LDLRAD3: variants seen among roughly 807,000 people sequenced by gnomAD.
LDLRAD3 encodes low-density lipoprotein receptor class A domain-containing protein 3.
Under a neutral mutation model 29.4 loss-of-function variants are expected in LDLRAD3, and 20 were observed. That is an observed-to-expected ratio of 0.68 (90% CI 0.48 to 0.99). The LOEUF (loss-of-function observed/expected upper bound fraction) is 0.99. Ranked by LOEUF, LDLRAD3 falls within the 50% of genes least tolerant of loss-of-function variation. LDLRAD3 has a pLI of 0.00. For synonymous variants in LDLRAD3, 157 were observed against 192.7 expected, an observed-to-expected ratio of 0.81 and a Z score of 1.53; for missense variants, 420 against 454.3, an observed-to-expected ratio of 0.92 and a Z score of 0.69.
rs1453120892 is a variant in LDLRAD3, at chr11:36,076,638, G to A, written c.194-5015G>A. On this transcript the variant is annotated intron_variant, in intron 2 of 5. Coordinates refer to ENST00000315571, the MANE Select transcript of LDLRAD3 (RefSeq NM_174902.4). The stretch of plus-strand genomic sequence containing the variant: ...CCTGACCTTGTGATCCACCCACCTC[G>A]GCCTCCCAAAGTGCTGGGATTACAG... Among the ~76,000 whole-genome samples the A allele has an allele frequency of 3.9e-5, 6 of 152,018 alleles. No individual in the cohort carries two copies. In the East Asian group the frequency reaches 7.7e-4, roughly 20 times the overall value.
intron 4 of LDLRAD3, among the ~76,000 whole-genome samples, chr11:36,108,367 A>G (rs1404071725): frequency 6.8e-6 from 1 of 147,348 alleles, no homozygotes; most frequent in Non-Finnish European, 1.5e-5. Context: ...CCAGTTTCAG[A>G]ATGTTAAAAT....
chr11:36,133,669 G>A (rs1328155565), intron 4 of LDLRAD3, among the ~76,000 whole-genome samples: 1 of 151,316 alleles, frequency 6.6e-6, no homozygotes, highest in Non-Finnish European at 1.5e-5. Context: ...GAGTAGCTGG[G>A]ACCACAGGCG....
At chr11:36,189,636 T>A (rs575619067) in intron 4 of LDLRAD3, among the ~76,000 whole-genome samples, 1 of 152,256 alleles carries the variant, frequency 6.6e-6, no homozygotes, top group South Asian at 2.1e-4. Flanking sequence ...CATGCAGGTT[T>A]GTTACATATG....
At chr11:35,957,981 G>A (rs1851226535) in intron 1 of LDLRAD3, among the ~76,000 whole-genome samples, 1 of 152,040 alleles carries the variant, frequency 6.6e-6, no homozygotes, top group Non-Finnish European at 1.5e-5. Flanking sequence ...CAAAAGTTTG[G>A]CAATGAGGAT....
intron 1 of LDLRAD3, among the ~76,000 whole-genome samples, chr11:36,003,796 G>A (rs1431881602): frequency 6.6e-6 from 1 of 152,156 alleles, no homozygotes; most frequent in African/African-American, 2.4e-5. Flanking sequence ...AGTTCCATAG[G>A]TTTAACAGAA....
intron 1 of LDLRAD3, among the ~76,000 whole-genome samples, chr11:36,026,026 C>G (rs113361639): frequency 2.6e-4 from 39 of 151,896 alleles, no homozygotes; most frequent in African/African-American, 8.0e-4. Context: ...ATGATCTGCC[C>G]GCCTTGGCCT....
intron 1 of LDLRAD3, among the ~76,000 whole-genome samples, chr11:35,962,357 T>C (rs191750211): frequency 6.6e-6 from 1 of 152,276 alleles, no homozygotes; most frequent in Non-Finnish European, 1.5e-5. Context: ...TTAGTTTTGC[T>C]GCTGGTTCAA....
At chr11:36,132,888 G>A (rs1218796499) in intron 4 of LDLRAD3, among the ~76,000 whole-genome samples, 2 of 152,216 alleles carry the variant, frequency 1.3e-5, no homozygotes, top group African/African-American at 4.8e-5. Context: ...TCAGCTCTGT[G>A]GCTTCCCAGC....
At position 36,038,991 on chromosome 11, in the gene LDLRAD3, C is replaced by T. The variant is rs11821176; in HGVS notation, c.193+2742C>T. ...TCTTTCTTTTTTTTTTTTTTTTAGA[C>T]GGAGTCTTGCCTCTGTCACCCAGGC... On this transcript the variant is annotated intron_variant, in intron 2 of 5. Coordinates refer to ENST00000315571, the MANE Select transcript of LDLRAD3 (RefSeq NM_174902.4). Among the ~76,000 whole-genome samples, 1,231 of 131,762 alleles carry T rather than the reference C, an allele frequency of 9.3e-3. 19 individuals are homozygous for T. Among genetic ancestry groups the T allele is most frequent in the African/African-American group, 0.034 (1,172 of 34,622 alleles). 86.4% of individuals were successfully genotyped at this position (131,762 alleles called of 152,430 possible). A position where few individuals can be genotyped will look rare whatever the true frequency, so the allele number is the denominator to read the frequency against.
chr11:35,954,974 A>T (rs1003389045), intron 1 of LDLRAD3, among the ~76,000 whole-genome samples: 3 of 152,202 alleles, frequency 2.0e-5, no homozygotes, highest in African/African-American at 7.2e-5. Flanking sequence ...AAATAACAGT[A>T]TTAGGCCGGG....
intron 4 of LDLRAD3, among the ~76,000 whole-genome samples, chr11:36,115,512 C>G (rs574563710): frequency 1.4e-3 from 211 of 152,290 alleles, no homozygotes; most frequent in African/African-American, 4.8e-3. Context: ...TCATGTGGCC[C>G]TTGTGTTCCT....
At chr11:36,144,181 TC>T (rs1854133631) in intron 4 of LDLRAD3, among the ~76,000 whole-genome samples, 1 of 151,990 alleles carries the variant, frequency 6.6e-6, no homozygotes, top group African/African-American at 2.4e-5. Context: ...TCCGCCAGCC[TC>T]GGCCTCCCGA....
chr11:36,196,712 G>A (rs997498015), intron 4 of LDLRAD3: 2 of 152,174 alleles, frequency 1.3e-5, no homozygotes, highest in Non-Finnish European at 2.9e-5. Context: ...AGCTAACAAT[G>A]CACGTGGGGC....
chr11:35,951,650 C>T (rs547721450), intron 1 of LDLRAD3, among the ~76,000 whole-genome samples: 1 of 152,288 alleles, frequency 6.6e-6, no homozygotes, highest in South Asian at 2.1e-4. Context: ...GAGATATTTG[C>T]TTCACTATTA....
At chr11:36,094,108 G>T (rs11033416) in intron 3 of LDLRAD3, among the ~76,000 whole-genome samples, 2 of 152,140 alleles carry the variant, frequency 1.3e-5, no homozygotes, top group African/African-American at 2.4e-5. Context: ...TCTTTGGCTT[G>T]GAGGTGGGGT....
intron 4 of LDLRAD3, among the ~76,000 whole-genome samples, chr11:36,161,248 G>A (rs1283129019): frequency 6.6e-6 from 1 of 152,134 alleles, no homozygotes; most frequent in Non-Finnish European, 1.5e-5. Flanking sequence ...TGTGTGTAAA[G>A]TACATTTCTT....
intron 1 of LDLRAD3, among the ~76,000 whole-genome samples, chr11:35,977,681 T>C (rs1015222450): frequency 1.3e-5 from 2 of 152,036 alleles, no homozygotes; most frequent in African/African-American, 2.4e-5. Flanking sequence ...TTATAGACAA[T>C]AGAAATTGAT....
chr11:35,984,407 C>T (rs909772571), intron 1 of LDLRAD3, among the ~76,000 whole-genome samples: 6 of 152,154 alleles, frequency 3.9e-5, no homozygotes, highest in Non-Finnish European at 8.8e-5. Flanking sequence ...CAAGGACAGA[C>T]AGATGGAGAG....
intron 4 of LDLRAD3, among the ~76,000 whole-genome samples, chr11:36,136,698 CT>C (rs112022135): frequency 1.7e-3 from 250 of 143,310 alleles, no homozygotes; most frequent in Middle Eastern, 3.6e-3. Flanking sequence ...AACTAATCCT[CT>C]TTTTTTTTTT....
Sources: gnomAD v4.1 joint callset for allele counts (sites outside exome capture counted in the v4.1 genomes callset) on GRCh38, gnomAD v4.1.1 for gene constraint, MANE v1.5 for transcripts, NCBI Gene and HGNC (gene_info 2026-07-23, HGNC 2026-07-21) for gene names.